The following SETD7 variants were observed in gnomAD, a reference collection of about 807,000 sequenced individuals.
SETD7 encodes the protein SET domain containing 7, histone lysine methyltransferase.
In SETD7, 16 loss-of-function variants were observed where a neutral mutation model predicts 41.8. The ratio of observed to expected loss-of-function variants is 0.38; its 90% confidence interval spans 0.26 to 0.58. The LOEUF is 0.58. Ranked by LOEUF, SETD7 falls within the 20% of genes least tolerant of loss-of-function variation. The pLI is 0.64. For missense variants in SETD7, 346 were observed against 459.7 expected, an observed-to-expected ratio of 0.75 and a Z score of 2.26; for synonymous variants, 163 against 169.7, an observed-to-expected ratio of 0.96 and a Z score of 0.31.
intron 1 of SETD7, among the ~76,000 whole-genome samples, chr4:139,552,413 T>G (rs1728136245): frequency 6.6e-6 from 1 of 152,192 alleles, no homozygotes; most frequent in Non-Finnish European, 1.5e-5. Flanking sequence ...CCTGCCATCA[T>G]AACTGTGCAT....
chr4:139,494,777 T>G (rs1001282716), downstream of SETD7, among the ~76,000 whole-genome samples: 1 of 152,166 alleles, frequency 6.6e-6, no homozygotes, highest in Non-Finnish European at 1.5e-5. Context: ...CAGCATGGAG[T>G]GGTTAACAGC....
chr4:139,496,637 T>C (rs567383296), intron 7 of SETD7: 338 of 611,658 alleles, frequency 5.5e-4, no homozygotes, highest in Non-Finnish European at 8.8e-4. Flanking sequence ...CAGCTGCATT[T>C]TTCTAAATCT....
chr4:139,547,033 G>A lies in SETD7; in HGVS notation c.57C>T (p.Asp19=), dbSNP rs372076267. 2.0e-5 allele frequency: 33 copies of A among 1,613,774 alleles called. No homozygotes were observed. The highest frequency in any genetic ancestry group is 1.6e-4 in the Middle Eastern group (1 of 6,084). ...CTGTGCAGAACCCGTGCGGTAATCC[G>A]TCATCGTCCAGGTGCCCTGGAGAAA... ...EEAVEGHLDD[D]GLPHGFCTVT... is the part of the protein sequence containing the mutation. Residue 19 remains aspartate (D), a synonymous_variant, in exon 2 of 8, where the codon GAC becomes GAT. Coordinates refer to ENST00000274031, the MANE Select transcript of SETD7 (RefSeq NM_030648.4).
intron 2 of SETD7, among the ~76,000 whole-genome samples, chr4:139,545,915 C>T (rs1727930214): frequency 6.6e-6 from 1 of 152,156 alleles, no homozygotes; most frequent in African/African-American, 2.4e-5. Flanking sequence ...AAATAGCTAG[C>T]CCTTTTGCGG....
intron 2 of SETD7, among the ~76,000 whole-genome samples, chr4:139,535,846 A>G (rs1360759252): frequency 2.0e-5 from 3 of 152,154 alleles, no homozygotes; most frequent in Non-Finnish European, 4.4e-5. Context: ...GGCATATTAC[A>G]CACATAAACT....
chr4:139,538,238 A>G (rs1047172982), intron 2 of SETD7, among the ~76,000 whole-genome samples: 2 of 152,242 alleles, frequency 1.3e-5, no homozygotes, highest in Non-Finnish European at 2.9e-5. Flanking sequence ...TCATTGTAAA[A>G]CAAACACATA....
At chr4:139,494,172 G>C (rs1489537932), downstream of SETD7, among the ~76,000 whole-genome samples, 3 of 152,180 alleles carry the variant, frequency 2.0e-5, no homozygotes, top group African/African-American at 7.2e-5. Context: ...AATAGACGAG[G>C]CAAGTCTTAT....
intron 4 of SETD7, among the ~76,000 whole-genome samples, chr4:139,528,219 G>A (rs1560683764): frequency 6.6e-6 from 1 of 152,180 alleles, no homozygotes; most frequent in Non-Finnish European, 1.5e-5. Flanking sequence ...AGTGTGACAT[G>A]TGTACTTCTA....
In SETD7 at chr4:139,509,465, G is replaced by GC. The variant is rs1726807639; in HGVS notation, c.*2197dup. On this transcript the variant is annotated 3_prime_UTR_variant, in exon 8 of 8. Transcript: ENST00000274031. Reference sequence around the variant, plus strand: ...CCATTTGAATGGGATAATTAGAGTAGCCCCCACTTAGGACGTAAATTGTAC... The same window carrying GC: ...CCATTTGAATGGGATAATTAGAGTAGCCCCCCACTTAGGACGTAAATTGTAC... 2 of 153,228 alleles carry GC rather than the reference G, an allele frequency of 1.3e-5. No homozygotes were observed. The highest frequency in any genetic ancestry group is 6.5e-5 in the Admixed American group (1 of 15,270). The allele number at this position is 153,228 out of a possible 1,614,324, so 9.5% of individuals were successfully genotyped here. A position where few individuals can be genotyped will look rare whatever the true frequency, so the allele number is the denominator to read the frequency against.
chr4:139,509,370 A>G lies in SETD7; in HGVS notation c.*2293T>C, dbSNP rs2111118330. ...GTGTTACCATTCAATATCTCATCTG[A>G]AGAACTGATTAGCAGACTAATCACT... On this transcript the variant is annotated 3_prime_UTR_variant, in exon 8 of 8. Coordinates refer to ENST00000274031, the MANE Select transcript of SETD7 (RefSeq NM_030648.4). The G allele has an allele frequency of 6.6e-6, 1 of 152,282 alleles. No homozygotes were observed. Among genetic ancestry groups the G allele is most frequent in the Non-Finnish European group, 1.5e-5 (1 of 68,042 alleles). The allele number at this position is 152,282 out of a possible 1,614,324, so 9.4% of individuals were successfully genotyped here. A position where few individuals can be genotyped will look rare whatever the true frequency, so the allele number is the denominator to read the frequency against.
At chr4:139,551,384 A>T (rs1728106037) in intron 1 of SETD7, among the ~76,000 whole-genome samples, 1 of 152,226 alleles carries the variant, frequency 6.6e-6, no homozygotes, top group African/African-American at 2.4e-5. Flanking sequence ...TTAAATATTT[A>T]CAGAAGTTAG....
In SETD7 at chr4:139,506,041, T is replaced by C. The variant is rs968180727; in HGVS notation, c.*5622A>G. On this transcript the variant is annotated 3_prime_UTR_variant, in exon 8 of 8. Transcript: ENST00000274031. Reference sequence around the variant, plus strand: ...ACCAAAGGAAGACAATGACAGATGATTGTATATTTTGTTTAATACTTGCAT... The same window carrying C: ...ACCAAAGGAAGACAATGACAGATGACTGTATATTTTGTTTAATACTTGCAT... 26 of 152,794 alleles carry C rather than the reference T, an allele frequency of 1.7e-4. No individual in the cohort carries two copies. Among genetic ancestry groups the C allele is most frequent in the Admixed American group, 1.6e-3 (24 of 15,296 alleles). The allele number at this position is 152,794 out of a possible 1,614,324, so 9.5% of individuals were successfully genotyped here. A position where few individuals can be genotyped will look rare whatever the true frequency, so the allele number is the denominator to read the frequency against.
rs1490929359 is a variant in SETD7, at chr4:139,555,868, G to T, written c.40+230C>A. Reference sequence around the variant, plus strand: ...GATGGAGCGGCCGTGCGTTTCCAGCGCCCCCGGCCTGGCGGAGCCCCATTC... The same window carrying T: ...GATGGAGCGGCCGTGCGTTTCCAGCTCCCCCGGCCTGGCGGAGCCCCATTC... On this transcript the variant is annotated intron_variant, in intron 1 of 7. Coordinates refer to ENST00000274031, the MANE Select transcript of SETD7 (RefSeq NM_030648.4). The surrounding 1 kb of genome is among the most constrained non-coding windows in gnomAD (Gnocchi z 4.0). Among the ~76,000 whole-genome samples the T allele has an allele frequency of 6.6e-6, 1 of 152,018 alleles. No homozygotes were observed. The highest frequency in any genetic ancestry group is 1.5e-5 in the Non-Finnish European group (1 of 67,956).
chr4:139,504,312 A>C (rs1270500390), downstream of SETD7, among the ~76,000 whole-genome samples: 1 of 152,260 alleles, frequency 6.6e-6, no homozygotes. Flanking sequence ...AAATAAACAA[A>C]ACTTAAGGAA....
rs570839581 is a variant in SETD7, at chr4:139,525,613, G to GAATTA, written c.563-2183_563-2179dup. Among the ~76,000 whole-genome samples, 1,022 of 152,304 alleles carry GAATTA rather than the reference G, an allele frequency of 6.7e-3. 14 individuals carry two copies. Among genetic ancestry groups the GAATTA allele is most frequent in the African/African-American group, 0.023 (956 of 41,556 alleles). The stretch of plus-strand genomic sequence containing the variant: ...AGAAACTCCACAGGAAGTAAGTAGA[G>GAATTA]AATTAGAAGTAGTTTGTGGTTACAA... On this transcript the variant is annotated intron_variant, in intron 4 of 7. Transcript: ENST00000274031.
rs999318745 is a variant in SETD7, at chr4:139,508,184, C to A, written c.*3479G>T. The A allele has an allele frequency of 1.3e-5, 2 of 151,936 alleles. No homozygotes were observed. The highest frequency in any genetic ancestry group is 4.8e-5 in the African/African-American group (2 of 41,362). The allele number at this position is 151,936 out of a possible 1,614,324, so 9.4% of individuals were successfully genotyped here. On this transcript the variant is annotated 3_prime_UTR_variant, in exon 8 of 8. Transcript: ENST00000274031. The stretch of plus-strand genomic sequence containing the variant: ...AAATTGTTACATTTGGCCTCATTGG[C>A]CTTTCTGGGTGGGTCGTTGGTGATA...
In SETD7 at chr4:139,507,770, A is replaced by G. The variant is rs1291175466; in HGVS notation, c.*3893T>C. 1 of 152,642 alleles carries G rather than the reference A, an allele frequency of 6.6e-6. No individual in the cohort carries two copies. The highest frequency in any genetic ancestry group is 1.5e-5 in the Non-Finnish European group (1 of 68,044). 9.5% of individuals were successfully genotyped at this position (152,642 alleles called of 1,614,324 possible). A position where few individuals can be genotyped will look rare whatever the true frequency, so the allele number is the denominator to read the frequency against. On this transcript the variant is annotated 3_prime_UTR_variant, in exon 8 of 8. Coordinates refer to ENST00000274031, the MANE Select transcript of SETD7 (RefSeq NM_030648.4). The stretch of plus-strand genomic sequence containing the variant: ...TTCCAAATTCCTGAAGGGAAAGATA[A>G]AAGAAAAACAATAATAATCTATCAA...
At chr4:139,546,088 G>A (rs1727934579) in intron 2 of SETD7, among the ~76,000 whole-genome samples, 1 of 152,182 alleles carries the variant, frequency 6.6e-6, no homozygotes, top group South Asian at 2.1e-4. Flanking sequence ...AAGCGAGTAA[G>A]GAGCCTCTCC....
At position 139,531,752 on chromosome 4, in the gene SETD7, C is replaced by T. The variant is rs182763313; in HGVS notation, c.372+1413G>A. On this transcript the variant is annotated intron_variant, in intron 3 of 7. Coordinates refer to ENST00000274031, the MANE Select transcript of SETD7 (RefSeq NM_030648.4). The stretch of plus-strand genomic sequence containing the variant: ...TTTTCTTGTTATATATGTAACTGAT[C>T]ATTTCTTTTTATTAGCACTTTTTAA... Among the ~76,000 whole-genome samples, 20 of 152,202 alleles carry T rather than the reference C, an allele frequency of 1.3e-4. 1 individual carries two copies. In the East Asian group the frequency reaches 3.3e-3, roughly 25 times the overall value.
Sources: gnomAD v4.1 joint callset for allele counts (sites outside exome capture counted in the v4.1 genomes callset) on GRCh38, gnomAD v4.1.1 for gene constraint, Gnocchi (gnomAD v3.1) non-coding constraint, MANE v1.5 for transcripts, NCBI Gene and HGNC (gene_info 2026-07-23, HGNC 2026-07-21) for gene names.